Variants in LDLRAD3 observed in about 807,000 individuals in gnomAD.
The protein encoded by LDLRAD3 is low density lipoprotein receptor class A domain containing 3, also known as low-density lipoprotein receptor class A domain-containing protein 3.
LDLRAD3 carries 20 observed loss-of-function variants against 29.4 expected under a neutral mutation model. That is an observed-to-expected ratio of 0.68 (90% CI 0.48 to 0.99). The LOEUF (loss-of-function observed/expected upper bound fraction) is 0.99, where lower values mean the gene tolerates loss of function less well. Among genes scored for constraint, LDLRAD3 ranks in the 50% least tolerant of loss-of-function variants. LDLRAD3 has a pLI of 0.00. For missense variants in LDLRAD3, 420 were observed against 454.3 expected (o/e 0.92, Z 0.69); for synonymous variants, 157 against 192.7 (o/e 0.81, Z 1.53).
At chr11:36,110,638 G>A (rs929835116) in intron 4 of LDLRAD3, among the ~76,000 whole-genome samples, 10 of 152,120 alleles carry the variant, frequency 6.6e-5, no homozygotes, top group Non-Finnish European at 7.3e-5. Flanking sequence ...TCTAACATTC[G>A]TTCATGCACA....
chr11:36,187,925 G>T (rs749706777), intron 4 of LDLRAD3, among the ~76,000 whole-genome samples: 2 of 152,184 alleles, frequency 1.3e-5, no homozygotes, highest in Non-Finnish European at 2.9e-5. Context: ...TTGTGTTTCT[G>T]TAGTACTTTG....
chr11:35,975,696 T>A (rs1851466638), intron 1 of LDLRAD3, among the ~76,000 whole-genome samples: 1 of 152,160 alleles, frequency 6.6e-6, no homozygotes, highest in South Asian at 2.1e-4. Flanking sequence ...GCAACTGGTG[T>A]AATCTTTGGT....
chr11:36,138,517 C>T (rs1274419083), intron 4 of LDLRAD3, among the ~76,000 whole-genome samples: 2 of 152,234 alleles, frequency 1.3e-5, no homozygotes, highest in Non-Finnish European at 2.9e-5. Context: ...TTGCCTTTGA[C>T]TGGACTCACT....
rs1852245606 is a variant in LDLRAD3, at chr11:36,032,318, G to A, written c.47-3785G>A. Among the ~76,000 whole-genome samples the A allele has an allele frequency of 2.6e-5, 4 of 152,204 alleles. No homozygotes were observed. The South Asian group carries it at 8.3e-4, about 32-fold the overall frequency. ...GCCTCACAGCAGGGGGCACTGAGAT[G>A]TGTTGCAGGAGATGGTTCGAAATGA... On this transcript the variant is annotated intron_variant, in intron 1 of 5. Transcript: ENST00000315571.
intron 1 of LDLRAD3, among the ~76,000 whole-genome samples, chr11:35,950,744 G>C (rs942177827): frequency 6.6e-6 from 1 of 152,094 alleles, no homozygotes; most frequent in East Asian, 1.9e-4. Flanking sequence ...AGCACTGTAC[G>C]TGTCTTATTT....
At chr11:36,118,258 T>C (rs1259142907) in intron 4 of LDLRAD3, among the ~76,000 whole-genome samples, 1 of 152,132 alleles carries the variant, frequency 6.6e-6, no homozygotes, top group African/African-American at 2.4e-5. Flanking sequence ...AGAGAGATGA[T>C]GTAATCTGTG....
chr11:36,052,590 A>G (rs1033726180), intron 2 of LDLRAD3, among the ~76,000 whole-genome samples: 1 of 152,194 alleles, frequency 6.6e-6, no homozygotes, highest in African/African-American at 2.4e-5. Flanking sequence ...ACAGAGGCCA[A>G]CATGGGTTTG....
intron 4 of LDLRAD3, among the ~76,000 whole-genome samples, chr11:36,170,269 TACAC>T (rs1253371617): frequency 6.7e-6 from 1 of 149,074 alleles, no homozygotes; most frequent in African/African-American, 2.5e-5. Flanking sequence ...CACATATATA[TACAC>T]ATATATGTAC....
In LDLRAD3 at chr11:36,051,695, G is replaced by A. The variant is rs557393720; in HGVS notation, c.193+15446G>A. Among the ~76,000 whole-genome samples, 212 of 152,116 alleles carry A rather than the reference G, an allele frequency of 1.4e-3. 1 individual carries two copies. The highest frequency in any genetic ancestry group is 2.2e-3 in the Non-Finnish European group (152 of 68,008). ...ATAATGACACGACTCATAAATTTTC[G>A]GAATGAATAAAGGAGTACTGGAGTG... On this transcript the variant is annotated intron_variant, in intron 2 of 5. Transcript: ENST00000315571.
intron 1 of LDLRAD3, among the ~76,000 whole-genome samples, chr11:35,978,806 T>A (rs940233054): frequency 6.6e-6 from 1 of 152,186 alleles, no homozygotes; most frequent in African/African-American, 2.4e-5. Context: ...ACATTCCAAG[T>A]GCTTCAGGTC....
rs547766507 is a variant in LDLRAD3 at position 36,110,268 on chromosome 11, C to T, written c.454+11807C>T. Among the ~76,000 whole-genome samples the T allele has an allele frequency of 4.6e-5, 7 of 152,286 alleles. No individual in the cohort carries two copies. In the South Asian group the frequency reaches 1.5e-3, roughly 32 times the overall value. ...CTGATAACTTTGTTACTGCGGTAAT[C>T]TTTAGGGCTGTTTCTTTAGTCTCCC... On this transcript the variant is annotated intron_variant, in intron 4 of 5. Transcript: ENST00000315571.
intron 4 of LDLRAD3, among the ~76,000 whole-genome samples, chr11:36,159,893 T>C (rs1228145940): frequency 3.3e-5 from 5 of 152,152 alleles, no homozygotes; most frequent in Non-Finnish European, 7.4e-5. Flanking sequence ...ATCCCAAGCC[T>C]GAGTCTTATG....
intron 4 of LDLRAD3, among the ~76,000 whole-genome samples, chr11:36,150,540 T>A (rs1364437380): frequency 1.4e-5 from 2 of 148,014 alleles, no homozygotes; most frequent in East Asian, 4.0e-4. Flanking sequence ...TAAAAAAAAA[T>A]AAAAAAGGCA....
At chr11:35,965,117 AAAAG>A in intron 1 of LDLRAD3, among the ~76,000 whole-genome samples, 1 of 152,366 alleles carries the variant, frequency 6.6e-6, no homozygotes, top group East Asian at 1.9e-4. Flanking sequence ...GTAATGAAAA[AAAAG>A]AAAAAAACAA....
intron 1 of LDLRAD3, among the ~76,000 whole-genome samples, chr11:35,950,232 G>T (rs897866720): frequency 6.6e-6 from 1 of 152,178 alleles, no homozygotes; most frequent in African/African-American, 2.4e-5. Flanking sequence ...CTTGGACCTT[G>T]ATGGGAACAC....
chr11:35,988,645 G>A (rs1448413503), intron 1 of LDLRAD3, among the ~76,000 whole-genome samples: 1 of 151,582 alleles, frequency 6.6e-6, no homozygotes, highest in Non-Finnish European at 1.5e-5. Context: ...GTGCAGTGGT[G>A]CGATCTTGGC....
chr11:36,103,645 C>T (rs1365409865), intron 4 of LDLRAD3, among the ~76,000 whole-genome samples: 1 of 152,158 alleles, frequency 6.6e-6, no homozygotes, highest in Non-Finnish European at 1.5e-5. Context: ...GGAGGTTAGG[C>T]GTGCCGAAGG....
chr11:36,189,561 G>A (rs1371093411), intron 4 of LDLRAD3, among the ~76,000 whole-genome samples: 3 of 150,618 alleles, frequency 2.0e-5, no homozygotes, highest in Admixed American at 6.6e-5. Context: ...CTAGGCCTAC[G>A]TAACCACGAA....
intron 2 of LDLRAD3, among the ~76,000 whole-genome samples, chr11:36,078,954 C>A (rs1246439657): frequency 6.6e-6 from 1 of 152,160 alleles, no homozygotes; most frequent in Non-Finnish European, 1.5e-5. Context: ...TGCTCGCAGG[C>A]CCCTGGGATA....
Sources: allele counts gnomAD v4.1 joint callset (sites outside exome capture counted in the v4.1 genomes callset), GRCh38; gene constraint gnomAD v4.1.1; transcripts MANE v1.5; gene names NCBI Gene and HGNC (gene_info 2026-07-23, HGNC 2026-07-21).